DARS1: variants seen among roughly 807,000 people sequenced by gnomAD.
The protein encoded by DARS1 is aspartyl-tRNA synthetase 1.
DARS1 carries 51 observed loss-of-function variants against 68.8 expected under a neutral mutation model. The observed-to-expected ratio is 0.74, with a 90% CI of 0.59 to 0.94. DARS1 has a LOEUF of 0.94. Among genes scored for constraint, DARS1 ranks in the 40% least tolerant of loss-of-function variants. The pLI is 0.00. For synonymous variants in DARS1, 203 were observed against 190.4 expected, an observed-to-expected ratio of 1.07 and a Z score of -0.55; for missense variants, 607 against 597.3, an observed-to-expected ratio of 1.02 and a Z score of -0.17.
chr2:135,943,189 A>T, intron 5 of DARS1, 189 bp downstream of exon 5: 1 of 755,922 alleles, frequency 1.3e-6, no homozygotes, highest in Non-Finnish European at 2.0e-6. Flanking sequence ...GTAAGCAAAT[A>T]AATGTTTGTT....
chr2:135,972,039 C>A (rs1467240701), intron 3 of DARS1, among the ~76,000 whole-genome samples: 1 of 151,956 alleles, frequency 6.6e-6, no homozygotes, highest in Non-Finnish European at 1.5e-5. Context: ...CAATCCCTAT[C>A]AAAATGCCAA....
intron 7 of DARS1, among the ~76,000 whole-genome samples, chr2:135,928,731 C>T (rs1031986886): frequency 6.8e-6 from 1 of 146,588 alleles, no homozygotes; most frequent in African/African-American, 2.5e-5. Flanking sequence ...AGTGCAATGG[C>T]GTGATCTTGG....
chr2:135,942,914 C>G (rs1235489988), intron 5 of DARS1, among the ~76,000 whole-genome samples: 1 of 152,154 alleles, frequency 6.6e-6, no homozygotes, highest in African/African-American at 2.4e-5. Flanking sequence ...TATTTCTCTA[C>G]CCCTTAAATC....
At chr2:135,915,164 TA>T in intron 11 of DARS1, among the ~76,000 whole-genome samples, 1 of 152,280 alleles carries the variant, frequency 6.6e-6, no homozygotes, top group South Asian at 2.1e-4. Flanking sequence ...TGAGAAACCC[TA>T]AAAAGTGACA....
At chr2:135,938,528 T>A (rs1241597205) in intron 5 of DARS1, among the ~76,000 whole-genome samples, 2 of 152,234 alleles carry the variant, frequency 1.3e-5, no homozygotes, top group Non-Finnish European at 2.9e-5. Flanking sequence ...CTTTGTTGCG[T>A]TGCTGGCGAG....
intron 3 of DARS1, among the ~76,000 whole-genome samples, chr2:135,968,911 C>T (rs555080757): frequency 6.6e-6 from 1 of 152,200 alleles, no homozygotes; most frequent in African/African-American, 2.4e-5. Flanking sequence ...ATCCACCCTG[C>T]CTAAGCCCCT....
intron 3 of DARS1, among the ~76,000 whole-genome samples, chr2:135,978,222 A>C (rs1161673826): frequency 6.6e-6 from 1 of 151,914 alleles, no homozygotes; most frequent in Non-Finnish European, 1.5e-5. Context: ...TAAATACTAT[A>C]GAAGCAAAGT....
chr2:135,944,214 C>T (rs73957074), intron 4 of DARS1, among the ~76,000 whole-genome samples: 2 of 151,928 alleles, frequency 1.3e-5, no homozygotes, highest in African/African-American at 2.4e-5. Flanking sequence ...TAGTACATAA[C>T]CAAGGAAGAA....
intron 7 of DARS1, among the ~76,000 whole-genome samples, chr2:135,928,837 C>T (rs999534235): frequency 6.6e-6 from 1 of 151,898 alleles, no homozygotes; most frequent in Non-Finnish European, 1.5e-5. Flanking sequence ...CGGGGTTTCA[C>T]CATGTTGGCC....
intron 4 of DARS1, among the ~76,000 whole-genome samples, chr2:135,958,354 G>A (rs1682022825): frequency 6.6e-6 from 1 of 152,186 alleles, no homozygotes; most frequent in Non-Finnish European, 1.5e-5. Flanking sequence ...ATAAATGTAT[G>A]AAAGCTACCT....
At position 135,913,000 on chromosome 2, in the gene DARS1, A is replaced by G. The variant is rs1255479401; in HGVS notation, c.1150-434T>C. On this transcript the variant is annotated intron_variant, in intron 12 of 15. Coordinates refer to ENST00000264161, the MANE Select transcript of DARS1 (RefSeq NM_001349.4). ...CTTGGCCTCCCAAAGTGCCAGAATTACAAGCATGAGCCACAGTGCCAGGCC... is the reference window on the plus strand; with the variant it reads ...CTTGGCCTCCCAAAGTGCCAGAATTGCAAGCATGAGCCACAGTGCCAGGCC... Among the ~76,000 whole-genome samples the G allele has an allele frequency of 2.6e-5, 4 of 151,572 alleles. No individual in the cohort carries two copies. The East Asian group carries it at 7.7e-4, about 29-fold the overall frequency.
chr2:135,932,144 G>C (rs1681366669), intron 7 of DARS1, among the ~76,000 whole-genome samples: 1 of 152,142 alleles, frequency 6.6e-6, no homozygotes, highest in Non-Finnish European at 1.5e-5. Flanking sequence ...TAGCCAAGAA[G>C]AACTCTTAAG....
At chr2:135,913,109 CTT>C (rs1018025291) in intron 12 of DARS1, among the ~76,000 whole-genome samples, 9 of 150,980 alleles carry the variant, frequency 6.0e-5, no homozygotes, top group Non-Finnish European at 1.2e-4. Flanking sequence ...CTAAATTACA[CTT>C]TGATAAACAT....
Position 135,932,131 on chromosome 2 carries a change from G to A in DARS1, c.564+652C>T, listed in dbSNP as rs1004664252. 2.2e-4 allele frequency among the ~76,000 whole-genome samples: 34 copies of A among 152,276 alleles called. No individual in the cohort carries two copies. The South Asian group carries it at 4.4e-3, about 19-fold the overall frequency. ...ATAAGGGTAGACTCACATGATGGTA[G>A]AATAGCCAAGAAGAACTCTTAAGGT... On this transcript the variant is annotated intron_variant, in intron 7 of 15. Coordinates refer to ENST00000264161, the MANE Select transcript of DARS1 (RefSeq NM_001349.4).
At chr2:135,943,790 G>C (rs538287508) in intron 4 of DARS1, among the ~76,000 whole-genome samples, 1 of 152,228 alleles carries the variant, frequency 6.6e-6, no homozygotes, top group African/African-American at 2.4e-5. Flanking sequence ...ATTTATTAAA[G>C]AACATTTCCC....
At chr2:135,960,096 A>G (rs980981912) in intron 4 of DARS1, among the ~76,000 whole-genome samples, 1 of 152,156 alleles carries the variant, frequency 6.6e-6, no homozygotes, top group East Asian at 1.9e-4. Context: ...AGGTTGGAAG[A>G]CAAATGCACC....
At chr2:135,923,056 G>C in intron 8 of DARS1, 138 bp from the exon 9 acceptor site, 2 of 997,202 alleles carry the variant, frequency 2.0e-6, no homozygotes, top group Non-Finnish European at 2.6e-6. Flanking sequence ...CTAAATCACA[G>C]TCTATATACA....
chr2:135,911,037 T>G, intron 15 of DARS1, 102 bp downstream of exon 15: 1 of 612,898 alleles, frequency 1.6e-6, no homozygotes, highest in Non-Finnish European at 2.9e-6. Flanking sequence ...GGAAATCAAA[T>G]TTTCACTTAT....
Position 135,979,257 on chromosome 2 carries a change from A to G in DARS1, c.217+17T>C. ...GAGTCCTTACCGAAAGAGCTTTAAT[A>G]ATGAAACCAATCCTACCTTTAGCTC... On this transcript the variant is annotated intron_variant, in intron 3 of 15. Transcript: ENST00000264161. 2 of 1,068,782 alleles carry G rather than the reference A, an allele frequency of 1.9e-6. No individual in the cohort carries two copies. Among genetic ancestry groups the G allele is most frequent in the Admixed American group, 1.7e-5 (1 of 57,466 alleles). The allele number at this position is 1,068,782 out of a possible 1,614,324, so 66.2% of individuals were successfully genotyped here. A position where few individuals can be genotyped will look rare whatever the true frequency, so the allele number is the denominator to read the frequency against.
Sources: allele counts gnomAD v4.1 joint callset (sites outside exome capture counted in the v4.1 genomes callset), GRCh38; gene constraint gnomAD v4.1.1; transcripts MANE v1.5; gene names NCBI Gene and HGNC (gene_info 2026-07-23, HGNC 2026-07-21).